SMAP1: variants seen among roughly 807,000 people sequenced by gnomAD.
SMAP1 encodes the protein small ArfGAP 1, also known as stromal membrane-associated protein 1.
SMAP1 carries 24 observed loss-of-function variants against 58.5 expected under a neutral mutation model. The ratio of observed to expected loss-of-function variants is 0.41; its 90% CI spans 0.30 to 0.58. SMAP1 has a LOEUF of 0.58. Ranked by LOEUF, SMAP1 falls within the 20% of genes least tolerant of loss-of-function variation. The pLI is 0.29. For synonymous variants in SMAP1, 216 were observed against 196.6 expected (o/e 1.10, Z -0.82); for missense variants, 563 against 566.3 (o/e 0.99, Z 0.06).
chr6:70,854,129 G>A (rs1771301422), intron 8 of SMAP1, among the ~76,000 whole-genome samples: 1 of 152,170 alleles, frequency 6.6e-6, no homozygotes, highest in Non-Finnish European at 1.5e-5. Flanking sequence ...TAAGAGGGGT[G>A]GCAGCTGGCC....
intron 7 of SMAP1, among the ~76,000 whole-genome samples, chr6:70,849,784 C>A (rs1353923357): frequency 6.6e-6 from 1 of 152,150 alleles, no homozygotes; most frequent in East Asian, 1.9e-4. Context: ...TAATCAGTGA[C>A]ATTAAGTACA....
At chr6:70,761,728 G>A (rs1766754511) in intron 3 of SMAP1, among the ~76,000 whole-genome samples, 1 of 151,944 alleles carries the variant, frequency 6.6e-6, no homozygotes, top group Non-Finnish European at 1.5e-5. Context: ...TATTTTAGTT[G>A]TTTAGATACT....
intron 2 of SMAP1, among the ~76,000 whole-genome samples, chr6:70,747,372 G>A (rs189632715): frequency 2.0e-4 from 31 of 152,318 alleles, no homozygotes; most frequent in Admixed American, 5.9e-4. Flanking sequence ...AGAAAGTAGT[G>A]TTCTGTGACC....
intron 2 of SMAP1, among the ~76,000 whole-genome samples, chr6:70,745,605 T>C (rs1240377429): frequency 4.6e-5 from 7 of 152,156 alleles, no homozygotes; most frequent in African/African-American, 7.2e-5. Flanking sequence ...AGTCAGGTAG[T>C]GTGATGCCTC....
intron 2 of SMAP1, among the ~76,000 whole-genome samples, chr6:70,741,754 A>G (rs750259780): frequency 1.0e-3 from 152 of 152,198 alleles, no homozygotes; most frequent in Non-Finnish European, 1.6e-3. Context: ...GAGGTTCTCC[A>G]TGAGGGCCCC....
At chr6:70,836,554 C>T (rs967802533) in intron 6 of SMAP1, among the ~76,000 whole-genome samples, 7 of 151,976 alleles carry the variant, frequency 4.6e-5, no homozygotes, top group South Asian at 2.1e-4. Context: ...ATGGGAATTA[C>T]GGGATCTACA....
intron 6 of SMAP1, among the ~76,000 whole-genome samples, chr6:70,821,376 G>A (rs971926467): frequency 1.3e-4 from 19 of 151,746 alleles, no homozygotes; most frequent in Non-Finnish European, 2.4e-4. Context: ...CATTTGAGTC[G>A]TTTCTGGCTT....
intron 1 of SMAP1, among the ~76,000 whole-genome samples, chr6:70,729,215 G>T (rs552897600): frequency 3.3e-5 from 5 of 151,962 alleles, no homozygotes; most frequent in African/African-American, 1.2e-4. Context: ...CGAGGCGGGC[G>T]GATCACGAGG....
At chr6:70,686,360 A>G (rs1766934703) in intron 1 of SMAP1, among the ~76,000 whole-genome samples, 1 of 152,166 alleles carries the variant, frequency 6.6e-6, no homozygotes, top group Non-Finnish European at 1.5e-5. Context: ...GATTCTGACA[A>G]CTTATGTGGT....
At chr6:70,731,390 G>C (rs1765426065) in intron 1 of SMAP1, among the ~76,000 whole-genome samples, 1 of 152,072 alleles carries the variant, frequency 6.6e-6, no homozygotes, top group African/African-American at 2.4e-5. Context: ...AGAACTTTTT[G>C]ACCATGAACT....
chr6:70,788,977 G>C (rs192485728), intron 4 of SMAP1, among the ~76,000 whole-genome samples: 1 of 152,276 alleles, frequency 6.6e-6, no homozygotes. Context: ...TTTCCTACTA[G>C]AGATTTAGAA....
At chr6:70,707,202 T>C (rs1037066644) in intron 1 of SMAP1, among the ~76,000 whole-genome samples, 2 of 152,224 alleles carry the variant, frequency 1.3e-5, no homozygotes, top group African/African-American at 4.8e-5. Flanking sequence ...ATGGAACATT[T>C]GAGCTTGATT....
Position 70,728,366 on chromosome 6 carries a change from TC to T in SMAP1, c.119-4011del, listed in dbSNP as rs1765274211. Among the ~76,000 whole-genome samples, 5 of 152,316 alleles carry T rather than the reference TC, an allele frequency of 3.3e-5. No homozygotes were observed. The South Asian group carries it at 1.0e-3, about 32-fold the overall frequency. On this transcript the variant is annotated intron_variant, in intron 1 of 10. Transcript: ENST00000370455. Reference sequence around the variant, plus strand: ...GGACAGCCACATTTCTAGGTAAAATTCAGAAGCCTTTATTACTTAAAGGAAG... The same window carrying T: ...GGACAGCCACATTTCTAGGTAAAATTAGAAGCCTTTATTACTTAAAGGAAG...
chr6:70,706,750 C>T (rs1160509017), intron 1 of SMAP1, among the ~76,000 whole-genome samples: 5 of 152,148 alleles, frequency 3.3e-5, no homozygotes, highest in African/African-American at 7.2e-5. Context: ...AAGATGCCCA[C>T]ACCATTTTCT....
intron 8 of SMAP1, among the ~76,000 whole-genome samples, chr6:70,853,576 A>G (rs1350960659): frequency 1.3e-5 from 2 of 152,180 alleles, no homozygotes; most frequent in Admixed American, 6.5e-5. Flanking sequence ...TGTTATTATG[A>G]TAGTCATTAT....
chr6:70,756,975 A>T (rs1045224807), intron 3 of SMAP1, among the ~76,000 whole-genome samples: 10 of 152,150 alleles, frequency 6.6e-5, no homozygotes, highest in Admixed American at 5.2e-4. Flanking sequence ...TGCCATCCCC[A>T]TCAAGCTACC....
chr6:70,846,860 G>A (rs1303477760), intron 7 of SMAP1, among the ~76,000 whole-genome samples: 4 of 152,206 alleles, frequency 2.6e-5, no homozygotes, highest in South Asian at 2.1e-4. Context: ...TGAGTTTTCC[G>A]GGTGCACCAT....
chr6:70,852,358 C>T (rs751384983), intron 7 of SMAP1, among the ~76,000 whole-genome samples, 182 bp from the exon 8 acceptor site: 2 of 151,930 alleles, frequency 1.3e-5, no homozygotes, highest in Non-Finnish European at 2.9e-5. Context: ...CTGGGGGAAT[C>T]AACAAAACTG....
chr6:70,840,810 T>C (rs1770773447), intron 7 of SMAP1, among the ~76,000 whole-genome samples: 2 of 152,238 alleles, frequency 1.3e-5, no homozygotes, highest in South Asian at 4.1e-4. Flanking sequence ...GGGGCCCCTC[T>C]TGACTAAGTG....
Sources: gnomAD v4.1 joint callset for allele counts (sites outside exome capture counted in the v4.1 genomes callset) on GRCh38, gnomAD v4.1.1 for gene constraint, MANE v1.5 for transcripts, NCBI Gene and HGNC (gene_info 2026-07-23, HGNC 2026-07-21) for gene names.